The following SMPD3 variants were observed in gnomAD, a reference collection of about 807,000 sequenced individuals.
SMPD3 encodes the protein sphingomyelin phosphodiesterase 3.
In SMPD3, 21 loss-of-function variants were observed where a neutral mutation model predicts 55.7. That is an observed-to-expected ratio of 0.38 (90% CI 0.27 to 0.54). The LOEUF (loss-of-function observed/expected upper bound fraction) is 0.54. SMPD3 is among the 20% of genes least tolerant of loss of function. The probability of loss-of-function intolerance (pLI) is 0.80; values close to 1 mark genes in which losing one functional copy is unlikely to be tolerated. For missense variants in SMPD3, 842 were observed against 899.6 expected (o/e 0.94, Z 0.82); for synonymous variants, 457 against 404.3 (o/e 1.13, Z -1.56).
At chr16:68,361,815 C>T in intron 7 of SMPD3, 56 bp from the exon 8 acceptor site, 1 of 1,582,864 alleles carries the variant, frequency 6.3e-7, no homozygotes, top group Non-Finnish European at 8.6e-7. Flanking sequence ...GTGGGCCTGG[C>T]AGGGGCTGTG....
chr16:68,382,513 G>A (rs1438500161), intron 2 of SMPD3, among the ~76,000 whole-genome samples: 4 of 152,242 alleles, frequency 2.6e-5, no homozygotes, highest in Non-Finnish European at 2.9e-5. Flanking sequence ...CCTCCTAGTT[G>A]TGTATAGTTA....
chr16:68,362,597 C>G (rs1350158883), intron 7 of SMPD3, among the ~76,000 whole-genome samples: 1 of 152,214 alleles, frequency 6.6e-6, no homozygotes, highest in Non-Finnish European at 1.5e-5. Flanking sequence ...AGAGACCCTG[C>G]AAAGGCCGCC....
At chr16:68,448,039 C>G (rs1437559425) in intron 1 of SMPD3, among the ~76,000 whole-genome samples, 5 of 152,132 alleles carry the variant, frequency 3.3e-5, no homozygotes, top group Non-Finnish European at 7.4e-5. Flanking sequence ...CCTGAGTAAT[C>G]CGAGCAGCCC....
At chr16:68,367,475 GC>G (rs2089519258) in intron 3 of SMPD3, 1 of 152,188 alleles carries the variant, frequency 6.6e-6, no homozygotes, top group Admixed American at 6.6e-5. Context: ...TTTCTGAGGG[GC>G]TGGTGTCTTT....
chr16:68,376,077 G>A (rs1284705868), intron 2 of SMPD3, among the ~76,000 whole-genome samples: 1 of 152,250 alleles, frequency 6.6e-6, no homozygotes, highest in African/African-American at 2.4e-5. Flanking sequence ...CTAAGGCTCT[G>A]TGGTTAATTA....
At chr16:68,389,690 T>C (rs960928648) in intron 1 of SMPD3, among the ~76,000 whole-genome samples, 2 of 152,108 alleles carry the variant, frequency 1.3e-5, no homozygotes, top group African/African-American at 4.8e-5. Context: ...ACTGTCAGTG[T>C]CAGACCTCAT....
rs151125577 is a variant in SMPD3 at position 68,445,619 on chromosome 16, G to T, written c.-269+2734C>A. ...ATGGGGGAGTGTTAGTTGCCAAATT[G>T]TGACTGGTTTAACCTCTTTCCAGCA... On this transcript the variant is annotated intron_variant, in intron 1 of 8. Transcript: ENST00000219334. Among the ~76,000 whole-genome samples the T allele has an allele frequency of 1.9e-3, 287 of 152,342 alleles. 4 individuals are homozygous for T. Among genetic ancestry groups the T allele is most frequent in the African/African-American group, 6.6e-3 (273 of 41,568 alleles).
At chr16:68,363,155 A>G (rs1353852454) in intron 7 of SMPD3, among the ~76,000 whole-genome samples, 2 of 138,570 alleles carry the variant, frequency 1.4e-5, no homozygotes, top group African/African-American at 2.9e-5. Flanking sequence ...CAGCTCTTTC[A>G]TGGGGGTCGA....
rs1466425343 is a variant in SMPD3, at chr16:68,360,135, G to A, written c.*1071C>T. On this transcript the variant is annotated 3_prime_UTR_variant, in exon 9 of 9. Coordinates refer to ENST00000219334, the MANE Select transcript of SMPD3 (RefSeq NM_018667.4). ...GGCCAGAGCCGCAGCCCCACCCGGGGGGCAGGCAGGGGTTCCTGAGCTCAG... is the reference window on the plus strand; with the variant it reads ...GGCCAGAGCCGCAGCCCCACCCGGGAGGCAGGCAGGGGTTCCTGAGCTCAG... 1 of 152,648 alleles carries A rather than the reference G, an allele frequency of 6.6e-6. No individual in the cohort carries two copies. Among genetic ancestry groups the A allele is most frequent in the Non-Finnish European group, 1.5e-5 (1 of 68,166 alleles). The allele number at this position is 152,648 out of a possible 1,614,324, so 9.5% of individuals were successfully genotyped here. A position where few individuals can be genotyped will look rare whatever the true frequency, so the allele number is the denominator to read the frequency against.
intron 1 of SMPD3, among the ~76,000 whole-genome samples, chr16:68,387,257 C>G (rs61409311): frequency 0.02 from 3,014 of 152,102 alleles, 129 homozygotes; most frequent in African/African-American, 0.068. Flanking sequence ...TAAGGGGGAG[C>G]AGGTCAGTGG....
chr16:68,372,914 G>A (rs1193080582), intron 2 of SMPD3, among the ~76,000 whole-genome samples: 1 of 152,204 alleles, frequency 6.6e-6, no homozygotes, highest in Non-Finnish European at 1.5e-5. Context: ...GAGACTCCTG[G>A]AGCAGAGGGC....
chr16:68,393,514 G>A (rs751384801), intron 1 of SMPD3, among the ~76,000 whole-genome samples: 6 of 152,242 alleles, frequency 3.9e-5, no homozygotes, highest in Non-Finnish European at 7.3e-5. Context: ...GGGGGTGGGT[G>A]AATGGGTGAA....
rs1274500331 is a variant in SMPD3 at position 68,359,779 on chromosome 16, A to AC, written c.*1426_*1427insG. On this transcript the variant is annotated 3_prime_UTR_variant, in exon 9 of 9. Transcript: ENST00000219334. ...TTGAGTCTCGAACTTTGAAACAGAC[A>AC]AAACCTTCGCTGCATGACAGGAGCA... is the stretch of plus-strand genomic sequence containing the variant. The AC allele has an allele frequency of 6.6e-6, 1 of 152,576 alleles. No individual in the cohort carries two copies. The highest frequency in any genetic ancestry group is 1.5e-5 in the Non-Finnish European group (1 of 68,166). The allele number at this position is 152,576 out of a possible 1,614,324, so 9.5% of individuals were successfully genotyped here. A position where few individuals can be genotyped will look rare whatever the true frequency, so the allele number is the denominator to read the frequency against.
intron 1 of SMPD3, among the ~76,000 whole-genome samples, chr16:68,410,124 C>T (rs1293210854): frequency 1.3e-5 from 2 of 152,190 alleles, no homozygotes; most frequent in African/African-American, 4.8e-5. Context: ...TTCCTTGTCT[C>T]CAGCTCCACC....
chr16:68,360,127 C>T lies in SMPD3; in HGVS notation c.*1079G>A, dbSNP rs1159442915. 1.3e-5 allele frequency: 2 copies of T among 152,666 alleles called. No homozygotes were observed. Among genetic ancestry groups the T allele is most frequent in the Non-Finnish European group, 2.9e-5 (2 of 68,176 alleles). 9.5% of individuals were successfully genotyped at this position (152,666 alleles called of 1,614,324 possible). ...GCCTGGGAGGCCAGAGCCGCAGCCC[C>T]ACCCGGGGGGCAGGCAGGGGTTCCT... On this transcript the variant is annotated 3_prime_UTR_variant, in exon 9 of 9. Coordinates refer to ENST00000219334, the MANE Select transcript of SMPD3 (RefSeq NM_018667.4).
chr16:68,383,388 G>A lies in SMPD3; in HGVS notation c.-207+3210C>T, dbSNP rs188385294. Among the ~76,000 whole-genome samples the A allele has an allele frequency of 4.2e-3, 646 of 152,322 alleles. 8 individuals are homozygous for A. The highest frequency in any genetic ancestry group is 0.014 in the African/African-American group (597 of 41,554). ...TGTCTCACTAGACTTTCTTGGTAAA[G>A]TTTTGGAAAGAAAACGTCCAGAACA... On this transcript the variant is annotated intron_variant, in intron 2 of 8. Transcript: ENST00000219334.
At chr16:68,388,166 A>G (rs534837102) in intron 1 of SMPD3, among the ~76,000 whole-genome samples, 1 of 152,288 alleles carries the variant, frequency 6.6e-6, no homozygotes, top group African/African-American at 2.4e-5. Context: ...CCCCAGGTCT[A>G]TGCTCTGCAC....
In SMPD3 at chr16:68,372,083, C is replaced by T. The variant is rs758307946; in HGVS notation, c.99G>A (p.Arg33=). ...LIFPCYWLVD[R]LAASFIPTTY... is the part of the protein sequence containing the mutation. Reference sequence around the variant, plus strand: ...TGGTGGGTATGAAGGAGGCAGCGAGCCGGTCCACCAGCCAGTAGCATGGAA... The same window carrying T: ...TGGTGGGTATGAAGGAGGCAGCGAGTCGGTCCACCAGCCAGTAGCATGGAA... The change falls in exon 3 of 9, where the codon CGG becomes CGA. Residue 33 remains arginine (R), a synonymous_variant. Transcript: ENST00000219334. 7 of 1,609,836 alleles carry T rather than the reference C, an allele frequency of 4.3e-6. No individual in the cohort carries two copies. The highest frequency in any genetic ancestry group is 1.7e-5 in the Admixed American group (1 of 59,134).
At chr16:68,443,284 G>T (rs2090582539) in intron 1 of SMPD3, among the ~76,000 whole-genome samples, 1 of 152,140 alleles carries the variant, frequency 6.6e-6, no homozygotes, top group Admixed American at 6.5e-5. Context: ...ACAGGAATGT[G>T]ATGCTTTCCT....
Sources: allele counts gnomAD v4.1 joint callset (sites outside exome capture counted in the v4.1 genomes callset), GRCh38; gene constraint gnomAD v4.1.1; transcripts MANE v1.5; gene names NCBI Gene and HGNC (gene_info 2026-07-23, HGNC 2026-07-21).